The following GRID2 variants were observed in gnomAD, a reference collection of about 807,000 sequenced individuals.
The protein encoded by GRID2 is glutamate receptor ionotropic, delta-2.
A neutral mutation model predicts 114.8 loss-of-function variants in GRID2; 33 were observed. The observed-to-expected ratio is 0.29, with a 90% CI of 0.22 to 0.38. The LOEUF (loss-of-function observed/expected upper bound fraction) is 0.38. Among genes scored for constraint, GRID2 ranks in the 10% least tolerant of loss-of-function variants. The probability of loss-of-function intolerance (pLI) is 1.00; values close to 1 mark genes in which losing one functional copy is unlikely to be tolerated. For synonymous variants in GRID2, 505 were observed against 449.9 expected (o/e 1.12, Z -1.55); for missense variants, 1,184 against 1,257.7 (o/e 0.94, Z 0.89).
intron 2 of GRID2, among the ~76,000 whole-genome samples, chr4:92,665,193 C>T (rs530451783): frequency 6.7e-6 from 1 of 149,298 alleles, no homozygotes; most frequent in Admixed American, 6.7e-5. Context: ...TCTGTGTATC[C>T]TAGAGCTTTT....
chr4:92,423,241 G>A (rs1172850590), intron 1 of GRID2, among the ~76,000 whole-genome samples: 1 of 152,094 alleles, frequency 6.6e-6, no homozygotes, highest in Non-Finnish European at 1.5e-5. Context: ...ATAGACCATT[G>A]TTAAAAAAGC....
chr4:92,486,437 A>C (rs1430114205), intron 1 of GRID2, among the ~76,000 whole-genome samples: 1 of 151,780 alleles, frequency 6.6e-6, no homozygotes, highest in Non-Finnish European at 1.5e-5. Flanking sequence ...AGTTTAACAT[A>C]ACTTTTCCAA....
At chr4:93,516,537 G>A (rs568970595) in intron 13 of GRID2, among the ~76,000 whole-genome samples, 30 of 152,170 alleles carry the variant, frequency 2.0e-4, no homozygotes, top group African/African-American at 6.7e-4. Context: ...TATCCTCTTT[G>A]CCCTTATTAT....
intron 1 of GRID2, among the ~76,000 whole-genome samples, chr4:92,411,831 G>A (rs1268996355): frequency 6.6e-6 from 1 of 151,026 alleles, no homozygotes; most frequent in African/African-American, 2.4e-5. Context: ...TCAGCTTCCC[G>A]AGTAGCTGGG....
intron 2 of GRID2, among the ~76,000 whole-genome samples, chr4:92,867,339 T>C (rs1156286675): frequency 2.6e-5 from 4 of 152,090 alleles, no homozygotes; most frequent in Admixed American, 2.6e-4. Context: ...AACCCTTTAT[T>C]CACTAGAATC....
chr4:92,335,437 C>G (rs752531669), intron 1 of GRID2, among the ~76,000 whole-genome samples: 22 of 152,212 alleles, frequency 1.4e-4, no homozygotes, highest in Non-Finnish European at 2.1e-4. Flanking sequence ...ATGTAATGAA[C>G]TCTCAGTAAT....
At chr4:93,183,564 A>C (rs923258570) in intron 4 of GRID2, among the ~76,000 whole-genome samples, 3 of 152,200 alleles carry the variant, frequency 2.0e-5, no homozygotes, top group Non-Finnish European at 4.4e-5. Flanking sequence ...ACAACTACTT[A>C]GTAAGTGCCC....
chr4:93,663,235 T>G (rs1249609386), intron 14 of GRID2, among the ~76,000 whole-genome samples: 1 of 152,208 alleles, frequency 6.6e-6, no homozygotes, highest in African/African-American at 2.4e-5. Flanking sequence ...AATTCACTGC[T>G]TCATGTCCCA....
chr4:93,589,946 G>A (rs1430722618), intron 13 of GRID2, among the ~76,000 whole-genome samples: 1 of 150,756 alleles, frequency 6.6e-6, no homozygotes, highest in East Asian at 1.9e-4. Context: ...GTAGATTCTG[G>A]ATATTAGCCC....
chr4:92,802,821 A>G (rs1740239838), intron 2 of GRID2, among the ~76,000 whole-genome samples: 1 of 151,956 alleles, frequency 6.6e-6, no homozygotes, highest in Non-Finnish European at 1.5e-5. Context: ...TTGTGTTATT[A>G]CCAGGCCTCT....
chr4:92,411,635 G>C (rs914634536), intron 1 of GRID2, among the ~76,000 whole-genome samples: 5 of 100,770 alleles, frequency 5.0e-5, no homozygotes, highest in African/African-American at 2.4e-4. Context: ...ATGTGTGTGT[G>C]TGTGTGTGTG....
At chr4:92,326,265 A>G (rs1163074281) in intron 1 of GRID2, among the ~76,000 whole-genome samples, 6 of 151,932 alleles carry the variant, frequency 3.9e-5, no homozygotes, top group Non-Finnish European at 2.9e-5. Context: ...AAATCAGAAC[A>G]ATGAGCATAA....
intron 2 of GRID2, among the ~76,000 whole-genome samples, chr4:92,783,954 G>A (rs78089879): frequency 0.025 from 3,723 of 151,784 alleles, 100 homozygotes; most frequent in East Asian, 0.12. Flanking sequence ...AAGACGTTTT[G>A]GTAATTGGGA....
chr4:93,432,888 C>T (rs563243127), intron 10 of GRID2, among the ~76,000 whole-genome samples: 1 of 152,148 alleles, frequency 6.6e-6, no homozygotes, highest in East Asian at 1.9e-4. Flanking sequence ...ATAGAGAGAC[C>T]TCCACCTCTA....
chr4:92,695,744 C>T (rs973054920), intron 2 of GRID2, among the ~76,000 whole-genome samples: 6 of 152,068 alleles, frequency 3.9e-5, no homozygotes, highest in African/African-American at 1.4e-4. Context: ...GCTTACTTTT[C>T]TTTCACGTAA....
chr4:93,374,639 T>A (rs903129529), intron 8 of GRID2, among the ~76,000 whole-genome samples: 8 of 152,158 alleles, frequency 5.3e-5, no homozygotes, highest in African/African-American at 1.9e-4. Context: ...CTCCTCCAAA[T>A]GCATCCCTAG....
intron 2 of GRID2, among the ~76,000 whole-genome samples, chr4:92,599,866 A>G (rs1729120833): frequency 6.6e-6 from 1 of 151,424 alleles, no homozygotes; most frequent in Non-Finnish European, 1.5e-5. Flanking sequence ...CTCTACCTAA[A>G]ATACAAAAAT....
intron 2 of GRID2, among the ~76,000 whole-genome samples, chr4:92,990,281 GTGTGTGTATA>G (rs1206177953): frequency 0.017 from 861 of 50,168 alleles, 17 homozygotes; most frequent in African/African-American, 0.049. Context: ...ACGTAGATAT[GTGTGTGTATA>G]TATATATATA....
intron 12 of GRID2, among the ~76,000 whole-genome samples, chr4:93,507,134 T>A (rs968546579): frequency 6.6e-6 from 1 of 152,198 alleles, no homozygotes; most frequent in African/African-American, 2.4e-5. Flanking sequence ...GGACACCCCT[T>A]CAGGCACTAA....
Sources: allele counts gnomAD v4.1 joint callset (sites outside exome capture counted in the v4.1 genomes callset), GRCh38; gene constraint gnomAD v4.1.1; transcripts MANE v1.5; gene names NCBI Gene and HGNC (gene_info 2026-07-23, HGNC 2026-07-21).